Variants in DAPK1 observed in about 807,000 individuals in gnomAD.
DAPK1 encodes death associated protein kinase 1, also known as death-associated protein kinase 1.
In DAPK1, 56 loss-of-function variants were observed where a neutral mutation model predicts 144.9. The ratio of observed to expected loss-of-function variants is 0.39; its 90% CI spans 0.31 to 0.48. The LOEUF (loss-of-function observed/expected upper bound fraction) is 0.48. Among genes scored for constraint, DAPK1 ranks in the 20% least tolerant of loss-of-function variants. DAPK1 has a pLI of 0.95. For synonymous variants in DAPK1, 690 were observed against 749.0 expected (o/e 0.92, Z 1.29); for missense variants, 1,454 against 1,875.4 (o/e 0.78, Z 4.15).
chr9:87,626,073 A>G (rs1313385799), intron 3 of DAPK1, among the ~76,000 whole-genome samples: 1 of 152,200 alleles, frequency 6.6e-6, no homozygotes, highest in African/African-American at 2.4e-5. Context: ...GGAGTGTATG[A>G]TAAAACATTG....
At chr9:87,514,516 C>T (rs1040195364) in intron 2 of DAPK1, among the ~76,000 whole-genome samples, 2 of 152,184 alleles carry the variant, frequency 1.3e-5, no homozygotes, top group Non-Finnish European at 2.9e-5. Flanking sequence ...AAATGTCATT[C>T]TCTTCCTTAA....
intron 2 of DAPK1, among the ~76,000 whole-genome samples, chr9:87,539,164 A>G (rs1825956598): frequency 6.6e-6 from 1 of 151,732 alleles, no homozygotes; most frequent in Non-Finnish European, 1.5e-5. Context: ...CGTAGACTTT[A>G]TGAAAACTCT....
intron 19 of DAPK1, among the ~76,000 whole-genome samples, chr9:87,670,809 G>A (rs1159784894): frequency 2.0e-5 from 3 of 152,174 alleles, no homozygotes; most frequent in African/African-American, 7.2e-5. Context: ...ATTGTGAGGC[G>A]GACACTCAGC....
intron 24 of DAPK1, chr9:87,701,727 T>A (rs1273410177): frequency 2.3e-5 from 7 of 303,686 alleles, no homozygotes; most frequent in Non-Finnish European, 4.9e-5. Context: ...TGTATTTTTT[T>A]TTTTTTTTTT....
intron 2 of DAPK1, among the ~76,000 whole-genome samples, chr9:87,534,633 C>A (rs1180430981): frequency 1.3e-5 from 2 of 149,782 alleles, no homozygotes; most frequent in African/African-American, 4.9e-5. Context: ...GTGAGGTGTC[C>A]TTTCTTGATT....
chr9:87,501,452 T>A (rs1296241703), intron 2 of DAPK1, among the ~76,000 whole-genome samples: 1 of 152,070 alleles, frequency 6.6e-6, no homozygotes, highest in Non-Finnish European at 1.5e-5. Context: ...GGCTGAGGCA[T>A]GAGAATCGCC....
At chr9:87,562,505 G>A (rs1826966956) in intron 2 of DAPK1, among the ~76,000 whole-genome samples, 1 of 152,168 alleles carries the variant, frequency 6.6e-6, no homozygotes, top group African/African-American at 2.4e-5. Context: ...GAAAGCATGG[G>A]TGTGTCCTCC....
At chr9:87,592,691 C>G (rs1159803813) in intron 2 of DAPK1, among the ~76,000 whole-genome samples, 1 of 152,126 alleles carries the variant, frequency 6.6e-6, no homozygotes, top group South Asian at 2.1e-4. Context: ...CGGATCGGGC[C>G]GCGGGGGTGA....
At chr9:87,563,764 C>T (rs753712193) in intron 2 of DAPK1, among the ~76,000 whole-genome samples, 5 of 152,162 alleles carry the variant, frequency 3.3e-5, no homozygotes, top group Middle Eastern at 3.2e-3. Flanking sequence ...TGTGGCTGAG[C>T]CTAGCCAGCA....
chr9:87,544,182 A>G (rs1826154052), intron 2 of DAPK1, among the ~76,000 whole-genome samples: 1 of 152,190 alleles, frequency 6.6e-6, no homozygotes, highest in South Asian at 2.1e-4. Flanking sequence ...GTTTTAGTTA[A>G]TAAGTGTTTT....
chr9:87,511,840 A>T (rs954826827), intron 2 of DAPK1, among the ~76,000 whole-genome samples: 1 of 151,612 alleles, frequency 6.6e-6, no homozygotes, highest in East Asian at 1.9e-4. Context: ...CCTCCCAAGT[A>T]GCTGGGATTA....
intron 19 of DAPK1, among the ~76,000 whole-genome samples, chr9:87,674,514 CAAAAAAAAA>C (rs35817698): frequency 3.5e-4 from 24 of 67,622 alleles, no homozygotes; most frequent in East Asian, 2.8e-3. Flanking sequence ...GACTCTGTCT[CAAAAAAAAA>C]AAAAAAAAAA....
chr9:87,689,998 T>C (rs1402826328), intron 21 of DAPK1, among the ~76,000 whole-genome samples: 1 of 152,156 alleles, frequency 6.6e-6, no homozygotes, highest in African/African-American at 2.4e-5. Flanking sequence ...CACTGTTTTG[T>C]TTCCATACAA....
chr9:87,612,523 A>G (rs1294442018), intron 3 of DAPK1, among the ~76,000 whole-genome samples: 1 of 152,144 alleles, frequency 6.6e-6, no homozygotes, highest in Non-Finnish European at 1.5e-5. Context: ...CCCCAAAACT[A>G]TGTGATAGCA....
At chr9:87,500,283 C>A (rs1486448467) in intron 2 of DAPK1, among the ~76,000 whole-genome samples, 1 of 152,094 alleles carries the variant, frequency 6.6e-6, no homozygotes, top group Admixed American at 6.5e-5. Context: ...AGATGGGGGC[C>A]TGTGCTTAGG....
chr9:87,596,453 G>A (rs928388478), intron 2 of DAPK1, among the ~76,000 whole-genome samples: 2 of 152,232 alleles, frequency 1.3e-5, no homozygotes, highest in Non-Finnish European at 2.9e-5. Flanking sequence ...AGGCATCTCA[G>A]TGAGGGTCTT....
intron 3 of DAPK1, among the ~76,000 whole-genome samples, chr9:87,605,521 CTA>C (rs1828685284): frequency 6.7e-6 from 1 of 149,328 alleles, no homozygotes; most frequent in African/African-American, 2.5e-5. Flanking sequence ...CCCTCTCACT[CTA>C]TTCCTTTCCT....
intron 24 of DAPK1, 144 bp from the exon 25 acceptor site, chr9:87,702,885 A>T: frequency 1.7e-6 from 1 of 598,336 alleles, no homozygotes; most frequent in South Asian, 2.2e-5. Flanking sequence ...AAAGAAAAAA[A>T]AACGTCAACA....
In DAPK1 at chr9:87,498,025, C is replaced by T. The variant is rs1170293128; in HGVS notation, c.-191C>T. The T allele has an allele frequency of 2.5e-6, 1 of 397,734 alleles. No individual in the cohort carries two copies. The highest frequency in any genetic ancestry group is 4.4e-6 in the Non-Finnish European group (1 of 225,680). 24.6% of individuals were successfully genotyped at this position (397,734 alleles called of 1,614,324 possible). ...CTCCCTAGCTGTGTTCCCGCCGCCG[C>T]CCCGGCTAGTCTCCGGCGCTGGCGC... On this transcript the variant is annotated 5_prime_UTR_variant, in exon 1 of 26. Coordinates refer to ENST00000408954, the MANE Select transcript of DAPK1 (RefSeq NM_004938.4).
Sources: allele counts gnomAD v4.1 joint callset (sites outside exome capture counted in the v4.1 genomes callset), GRCh38; gene constraint gnomAD v4.1.1; transcripts MANE v1.5; gene names NCBI Gene and HGNC (gene_info 2026-07-23, HGNC 2026-07-21).